The following ARF1 variants were observed in gnomAD, a reference collection of about 807,000 sequenced individuals.
ARF1 encodes the protein ADP-ribosylation factor 1.
Under a neutral mutation model 18.0 loss-of-function variants are expected in ARF1, and 1 was observed. The observed-to-expected ratio is 0.06, with a 90% CI of 0.02 to 0.26. The LOEUF (loss-of-function observed/expected upper bound fraction) is 0.26, where lower values mean the gene tolerates loss of function less well. Among genes scored for constraint, ARF1 ranks in the 10% least tolerant of loss-of-function variants. The probability of loss-of-function intolerance (pLI) is 1.00; values close to 1 mark genes in which losing one functional copy is unlikely to be tolerated. For missense variants in ARF1, 73 were observed against 247.2 expected, an observed-to-expected ratio of 0.30 and a Z score of 4.73; for synonymous variants, 112 against 96.3, an observed-to-expected ratio of 1.16 and a Z score of -0.95.
At chr1:228,092,044 C>T (rs1254271830) in intron 1 of ARF1, among the ~76,000 whole-genome samples, 1 of 152,196 alleles carries the variant, frequency 6.6e-6, no homozygotes, top group Non-Finnish European at 1.5e-5. Flanking sequence ...TTCAGGAAGT[C>T]ATCAGCTTTG....
intron 1 of ARF1, among the ~76,000 whole-genome samples, chr1:228,086,473 G>A (rs907276527): frequency 1.1e-4 from 16 of 150,790 alleles, no homozygotes; most frequent in Non-Finnish European, 2.1e-4. Context: ...CAGAGATCGC[G>A]CCACTGCACT....
chr1:228,093,624 T>TAA lies in ARF1; in HGVS notation c.-37-3438_-37-3437dup, dbSNP rs11420776. Among the ~76,000 whole-genome samples the TAA allele has an allele frequency of 2.7e-3, 371 of 138,798 alleles. 3 individuals carry two copies. Among genetic ancestry groups the TAA allele is most frequent in the East Asian group, 7.0e-3 (33 of 4,710 alleles). 91.1% of individuals were successfully genotyped at this position (138,798 alleles called of 152,430 possible). On this transcript the variant is annotated intron_variant, in intron 1 of 4. Transcript: ENST00000272102. The stretch of plus-strand genomic sequence containing the variant: ...GGGGACTCTTAACGCTTTGGTCTGT[T>TAA]AAAAAAAAAAAAAAAAATCCGGGCG...
In ARF1 at chr1:228,088,761, C is replaced by T. The variant is rs1263200926; in HGVS notation, c.-38+5996C>T. 4.6e-5 allele frequency among the ~76,000 whole-genome samples: 7 copies of T among 152,112 alleles called. No individual in the cohort carries two copies. The South Asian group carries it at 6.2e-4, about 14-fold the overall frequency. On this transcript the variant is annotated intron_variant, in intron 1 of 4. Coordinates refer to ENST00000272102, the MANE Select transcript of ARF1 (RefSeq NM_001658.4). ...CTGGCCGCCACCCTTGGTCCTCTAGCGTGGTTGTGAAGTCACTTTCCTTTA... is the reference window on the plus strand; with the variant it reads ...CTGGCCGCCACCCTTGGTCCTCTAGTGTGGTTGTGAAGTCACTTTCCTTTA...
At position 228,089,650 on chromosome 1, in the gene ARF1, G is replaced by T. The variant is rs890661142; in HGVS notation, c.-38+6885G>T. Among the ~76,000 whole-genome samples, 4 of 152,198 alleles carry T rather than the reference G, an allele frequency of 2.6e-5. No homozygotes were observed. Among genetic ancestry groups the T allele is most frequent in the Non-Finnish European group, 4.4e-5 (3 of 68,032 alleles). On this transcript the variant is annotated intron_variant, in intron 1 of 4. Coordinates refer to ENST00000272102, the MANE Select transcript of ARF1 (RefSeq NM_001658.4). This position sits in a 1 kb window ranked among gnomAD's most constrained non-coding sequence, Gnocchi z 4.1. ...ATTTTCTTTAACCTGGTGCGGAGAA[G>T]CTACAAGGGCCCCACCCCCTTCTAG... is the stretch of plus-strand genomic sequence containing the variant.
chr1:228,085,996 C>T (rs1558083139), intron 1 of ARF1, among the ~76,000 whole-genome samples: 1 of 152,192 alleles, frequency 6.6e-6, no homozygotes, highest in African/African-American at 2.4e-5. Context: ...TAGGGCTAGT[C>T]ACAGGGCCAA....
chr1:228,096,947 G>A, intron 1 of ARF1, 131 bp from the exon 2 acceptor site: 1 of 805,838 alleles, frequency 1.2e-6, no homozygotes, highest in Non-Finnish European at 1.9e-6. Flanking sequence ...TGGGAGGCAG[G>A]GCTCTTTCCC....
Position 228,089,037 on chromosome 1 carries a change from C to T in ARF1, c.-38+6272C>T, listed in dbSNP as rs1049252006. 1.3e-5 allele frequency among the ~76,000 whole-genome samples: 2 copies of T among 152,088 alleles called. No individual in the cohort carries two copies. ...AGAACACGCAGGAGGAGGCTGGAGACGGGGTTCTTGCCTGGGGAACAGGAG... is the reference window on the plus strand; with the variant it reads ...AGAACACGCAGGAGGAGGCTGGAGATGGGGTTCTTGCCTGGGGAACAGGAG... On this transcript the variant is annotated intron_variant, in intron 1 of 4. Transcript: ENST00000272102. The surrounding 1 kb of genome is among the most constrained non-coding windows in gnomAD (Gnocchi z 4.1).
chr1:228,098,355 C>G lies in ARF1; in HGVS notation c.*342C>G. 5.1e-6 allele frequency: 1 copy of G among 196,988 alleles called. No individual in the cohort carries two copies. The highest frequency in any genetic ancestry group is 1.9e-3 in the Middle Eastern group (1 of 518). The allele number at this position is 196,988 out of a possible 1,614,324, so 12.2% of individuals were successfully genotyped here. A position where few individuals can be genotyped will look rare whatever the true frequency, so the allele number is the denominator to read the frequency against. On this transcript the variant is annotated 3_prime_UTR_variant, in exon 5 of 5. Transcript: ENST00000272102. ...GCTGTGTTGGGAGAGCCGGCCACGC[C>G]CTTGGCTTTAGAGCTGTGTTGAAAT...
At chr1:228,088,143 G>C (rs1434178493) in intron 1 of ARF1, 1 of 152,330 alleles carries the variant, frequency 6.6e-6, no homozygotes, top group Admixed American at 6.5e-5. Flanking sequence ...GTGCCACACA[G>C]AGCTGCCCAC....
intron 1 of ARF1, among the ~76,000 whole-genome samples, chr1:228,087,238 A>G (rs1166176739): frequency 6.6e-6 from 1 of 152,220 alleles, no homozygotes; most frequent in Non-Finnish European, 1.5e-5. Flanking sequence ...GCAGTACCAT[A>G]TACGCTATGC....
At chr1:228,084,028 CGGCTGTTGCAA>C (rs1157933327) in intron 1 of ARF1, among the ~76,000 whole-genome samples, 1 of 152,202 alleles carries the variant, frequency 6.6e-6, no homozygotes, top group Non-Finnish European at 1.5e-5. Context: ...TTTTCTTTGC[CGGCTGTTGCAA>C]GGCTGGTGGT....
chr1:228,098,275 A>C lies in ARF1; in HGVS notation c.*262A>C. 2 of 349,674 alleles carry C rather than the reference A, an allele frequency of 5.7e-6. No homozygotes were observed. Among genetic ancestry groups the C allele is most frequent in the Non-Finnish European group, 1.0e-5 (2 of 194,630 alleles). The allele number at this position is 349,674 out of a possible 1,614,324, so 21.7% of individuals were successfully genotyped here. On this transcript the variant is annotated 3_prime_UTR_variant, in exon 5 of 5. Coordinates refer to ENST00000272102, the MANE Select transcript of ARF1 (RefSeq NM_001658.4). ...TTATTGTAAAAAGAAAAATCAACTC[A>C]CTGTTCAGTGCTGAGAGGGGATGTA...
Position 228,097,680 on chromosome 1 carries a change from C to A in ARF1, c.349C>A (p.Arg117=), listed in dbSNP as rs1173810050. The A allele has an allele frequency of 2.5e-6, 4 of 1,613,554 alleles. No individual in the cohort carries two copies. The highest frequency in any genetic ancestry group is 2.2e-5 in the East Asian group (1 of 44,866). The change falls in exon 4 of 5, where the codon CGG becomes AGG. Residue 117 remains arginine (R), a synonymous_variant. Coordinates refer to ENST00000272102, the MANE Select transcript of ARF1 (RefSeq NM_001658.4). This position sits in a 1 kb window ranked among gnomAD's most constrained non-coding sequence, Gnocchi z 8.1. ...LMRMLAEDEL[R]DAVLLVFANK... is the part of the protein sequence containing the mutation. ...GAGGATGCTGGCCGAGGACGAGCTCCGGGATGCTGTCCTCCTGGTGTTCGC... is the reference window on the plus strand; with the variant it reads ...GAGGATGCTGGCCGAGGACGAGCTCAGGGATGCTGTCCTCCTGGTGTTCGC...
chr1:228,091,978 G>T (rs2032589772), intron 1 of ARF1, among the ~76,000 whole-genome samples: 1 of 152,156 alleles, frequency 6.6e-6, no homozygotes, highest in African/African-American at 2.4e-5. Flanking sequence ...TATGACTGTT[G>T]AAAGGCTGTT....
At chr1:228,084,301 T>G (rs1295508470) in intron 1 of ARF1, among the ~76,000 whole-genome samples, 1 of 152,258 alleles carries the variant, frequency 6.6e-6, no homozygotes, top group Non-Finnish European at 1.5e-5. Context: ...GTCACACATC[T>G]CATTGGACAC....
rs2070960 is a variant in ARF1 at position 228,097,290 on chromosome 1, C to T, written c.148+28C>T. On this transcript the variant is annotated intron_variant, in intron 2 of 4. Coordinates refer to ENST00000272102, the MANE Select transcript of ARF1 (RefSeq NM_001658.4). This position sits in a 1 kb window ranked among gnomAD's most constrained non-coding sequence, Gnocchi z 8.1. ...GAGGTGGGGGCCAGCAGGGAGTGGG[C>T]TGGGCTGGGCTGGGCCAAGGTACAA... The T allele has an allele frequency of 0.08, 129,028 of 1,607,092 alleles. 5,788 individuals carry two copies. The highest frequency in any genetic ancestry group is 0.2 in the East Asian group (9,061 of 44,748).
Position 228,098,001 on chromosome 1 carries a change from G to A in ARF1, c.534G>A (p.Arg178=). The change falls in exon 5 of 5, where the codon CGG becomes CGA. Residue 178 remains arginine (R), a synonymous_variant. Coordinates refer to ENST00000272102, the MANE Select transcript of ARF1 (RefSeq NM_001658.4). ...TGGACTGGCTGTCCAATCAGCTCCG[G>A]AACCAGAAGTGAACGCGACCCCCCT... ...EGLDWLSNQL[R]NQK is the part of the protein sequence containing the mutation. 1 of 1,612,946 alleles carries A rather than the reference G, an allele frequency of 6.2e-7. No homozygotes were observed. Among genetic ancestry groups the A allele is most frequent in the Non-Finnish European group, 8.5e-7 (1 of 1,179,156 alleles).
In ARF1 at chr1:228,097,519, G is replaced by C; in HGVS notation, c.259+67G>C. ...AGAGAGGGGGGGCCAGCCCATAGATGGGGCATCGATGCCCATAGATGCGGC... is the reference window on the plus strand; with the variant it reads ...AGAGAGGGGGGGCCAGCCCATAGATCGGGCATCGATGCCCATAGATGCGGC... On this transcript the variant is annotated intron_variant, in intron 3 of 4. Transcript: ENST00000272102. The surrounding 1 kb of genome is among the most constrained non-coding windows in gnomAD (Gnocchi z 8.1). The C allele has an allele frequency of 6.2e-7, 1 of 1,613,680 alleles. No homozygotes were observed. The highest frequency in any genetic ancestry group is 8.5e-7 in the Non-Finnish European group (1 of 1,179,826).
At chr1:228,094,704 G>T (rs986365073) in intron 1 of ARF1, among the ~76,000 whole-genome samples, 15 of 152,172 alleles carry the variant, frequency 9.9e-5, no homozygotes, top group Non-Finnish European at 1.9e-4. Flanking sequence ...GCTTCTTAGG[G>T]AGGGAGCATG....
Sources: allele counts gnomAD v4.1 joint callset (sites outside exome capture counted in the v4.1 genomes callset), GRCh38; gene constraint gnomAD v4.1.1; non-coding constraint Gnocchi (gnomAD v3.1); transcripts MANE v1.5; gene names NCBI Gene and HGNC (gene_info 2026-07-23, HGNC 2026-07-21).